UBR3: variants seen among roughly 807,000 people sequenced by gnomAD.
The protein encoded by UBR3 is E3 ubiquitin-protein ligase UBR3.
Under a neutral mutation model 243.2 loss-of-function variants are expected in UBR3, and 85 were observed. The observed-to-expected ratio is 0.35, with a 90% confidence interval of 0.29 to 0.42. The LOEUF (loss-of-function observed/expected upper bound fraction) is 0.42, where lower values mean the gene tolerates loss of function less well. Among genes scored for constraint, UBR3 ranks in the 10% least tolerant of loss-of-function variants. The probability of loss-of-function intolerance (pLI) is 1.00; values close to 1 mark genes in which losing one functional copy is unlikely to be tolerated. For missense variants in UBR3, 1,686 were observed against 2,300.8 expected, an observed-to-expected ratio of 0.73 and a Z score of 5.47; for synonymous variants, 748 against 799.8, an observed-to-expected ratio of 0.94 and a Z score of 1.09.
intron 11 of UBR3, among the ~76,000 whole-genome samples, chr2:169,916,559 C>T (rs933707301): frequency 3.3e-5 from 5 of 152,068 alleles, no homozygotes; most frequent in African/African-American, 4.8e-5. Context: ...TTGAAACTCC[C>T]GCACCAGACT....
intron 36 of UBR3, 62 bp from the exon 37 acceptor site, chr2:170,079,752 A>C: frequency 2.8e-6 from 4 of 1,413,480 alleles, no homozygotes; most frequent in Non-Finnish European, 9.5e-7. Flanking sequence ...ACATTTAAAA[A>C]ATATATTGTG....
chr2:169,856,230 A>C (rs1434442484), intron 1 of UBR3, among the ~76,000 whole-genome samples: 1 of 149,838 alleles, frequency 6.7e-6, no homozygotes, highest in Admixed American at 6.6e-5. Flanking sequence ...CTCACATCCC[A>C]GATGGGGCGG....
At chr2:169,952,381 T>A (rs1269678036) in intron 23 of UBR3, among the ~76,000 whole-genome samples, 1 of 152,162 alleles carries the variant, frequency 6.6e-6, no homozygotes. Context: ...GGTCATCCGT[T>A]GGTACCTGTA....
intron 27 of UBR3, among the ~76,000 whole-genome samples, chr2:170,003,420 A>G (rs2089784769): frequency 6.6e-6 from 1 of 151,984 alleles, no homozygotes; most frequent in Non-Finnish European, 1.5e-5. Context: ...GCTAATTACT[A>G]GTTCCTTAAA....
At chr2:170,032,611 T>A (rs997691825) in intron 31 of UBR3, among the ~76,000 whole-genome samples, 1 of 97,594 alleles carries the variant, frequency 1.0e-5, no homozygotes, top group Admixed American at 1.1e-4. Context: ...TTTTTTTTTT[T>A]AGTTCAGGCC....
At chr2:169,842,038 G>A (rs929214351) in intron 1 of UBR3, among the ~76,000 whole-genome samples, 10 of 152,326 alleles carry the variant, frequency 6.6e-5, no homozygotes, top group African/African-American at 2.4e-4. Flanking sequence ...ATCTAGCTCA[G>A]GGATTGTAAA....
chr2:170,047,562 TGA>T (rs1483183121), intron 32 of UBR3, among the ~76,000 whole-genome samples: 1 of 151,994 alleles, frequency 6.6e-6, no homozygotes, highest in Non-Finnish European at 1.5e-5. Context: ...GAGAAGGAAG[TGA>T]GAGAATTGAG....
At chr2:169,938,780 A>G (rs576817936) in intron 19 of UBR3, among the ~76,000 whole-genome samples, 1 of 152,320 alleles carries the variant, frequency 6.6e-6, no homozygotes, top group South Asian at 2.1e-4. Flanking sequence ...AAAAATATAA[A>G]ACTAAAGCTG....
At chr2:169,925,243 C>T (rs1559099620) in intron 13 of UBR3, among the ~76,000 whole-genome samples, 2 of 152,058 alleles carry the variant, frequency 1.3e-5, no homozygotes, top group African/African-American at 4.8e-5. Flanking sequence ...TATGCTTATT[C>T]TAGTGTCTTT....
At chr2:169,931,372 A>G (rs952666939) in intron 18 of UBR3, among the ~76,000 whole-genome samples, 239 of 150,472 alleles carry the variant, frequency 1.6e-3, no homozygotes, top group African/African-American at 5.5e-3. Context: ...AAAAAAAAAA[A>G]AGGACGATAA....
At chr2:169,933,804 A>T (rs532920050) in intron 19 of UBR3, among the ~76,000 whole-genome samples, 21 of 152,206 alleles carry the variant, frequency 1.4e-4, no homozygotes, top group Non-Finnish European at 2.6e-4. Context: ...ACAGACAAAT[A>T]TCTGAAGAAA....
At chr2:170,071,996 T>C (rs1035782955) in intron 35 of UBR3, among the ~76,000 whole-genome samples, 2 of 152,152 alleles carry the variant, frequency 1.3e-5, no homozygotes, top group Non-Finnish European at 2.9e-5. Flanking sequence ...AGTTCAACCA[T>C]TGTGGAAGTC....
chr2:169,982,783 GT>G (rs11305867), intron 24 of UBR3, among the ~76,000 whole-genome samples: 14,758 of 152,044 alleles, frequency 0.097, 846 homozygotes, highest in African/African-American at 0.16. Context: ...GTTAGCAATT[GT>G]TGTGTAACTA....
intron 32 of UBR3, among the ~76,000 whole-genome samples, chr2:170,046,179 C>T (rs1203891963): frequency 6.6e-6 from 1 of 152,092 alleles, no homozygotes; most frequent in African/African-American, 2.4e-5. Flanking sequence ...GTTGGCCAGA[C>T]TGGTCTGAAT....
chr2:169,872,473 TTTG>T, intron 2 of UBR3, 98 bp downstream of exon 2: 2 of 876,846 alleles, frequency 2.3e-6, no homozygotes, highest in Non-Finnish European at 3.3e-6. Context: ...GATATCTTTT[TTTG>T]TTTAACATTT....
intron 9 of UBR3, 31 bp from the exon 10 acceptor site, chr2:169,906,000 C>T: frequency 6.5e-7 from 1 of 1,542,192 alleles, no homozygotes; most frequent in South Asian, 1.2e-5. Flanking sequence ...TTCCACTTGA[C>T]AAGGTTTATA....
chr2:169,890,120 G>C (rs898954381), intron 5 of UBR3, among the ~76,000 whole-genome samples: 15 of 152,078 alleles, frequency 9.9e-5, no homozygotes, highest in Non-Finnish European at 1.9e-4. Flanking sequence ...ACCTTTAGCT[G>C]GAGAGGAAAA....
Position 169,857,064 on chromosome 2 carries a change from G to GTTTTTTTTTTTTTTTTTTTTTTTTT in UBR3, c.546-15169_546-15145dup, listed in dbSNP as rs770674966. ...ATGATTTCCAGCATAATTTTATTAT[G>GTTTTTTTTTTTTTTTTTTTTTTTTT]TTTTTTTTTTTTTTTTTTTTTTTTT... On this transcript the variant is annotated intron_variant, in intron 1 of 38. Transcript: ENST00000272793. Among the ~76,000 whole-genome samples, 7 of 56,094 alleles carry GTTTTTTTTTTTTTTTTTTTTTTTTT rather than the reference G, an allele frequency of 1.2e-4. 2 individuals are homozygous for GTTTTTTTTTTTTTTTTTTTTTTTTT. The highest frequency in any genetic ancestry group is 1.8e-3 in the South Asian group (2 of 1,086). 36.8% of individuals were successfully genotyped at this position (56,094 alleles called of 152,430 possible). A position where few individuals can be genotyped will look rare whatever the true frequency, so the allele number is the denominator to read the frequency against.
intron 32 of UBR3, among the ~76,000 whole-genome samples, chr2:170,053,091 T>C (rs13402308): frequency 0.2 from 31,040 of 152,020 alleles, 3,513 homozygotes; most frequent in South Asian, 0.35. Flanking sequence ...CTGGAAAGAA[T>C]TAACATAGAA....
Sources: gnomAD v4.1 joint callset for allele counts (sites outside exome capture counted in the v4.1 genomes callset) on GRCh38, gnomAD v4.1.1 for gene constraint, MANE v1.5 for transcripts, NCBI Gene and HGNC (gene_info 2026-07-23, HGNC 2026-07-21) for gene names.